The following SQOR variants were observed in gnomAD, a reference collection of about 807,000 sequenced individuals.
SQOR encodes sulfide:quinone oxidoreductase, mitochondrial.
A neutral mutation model predicts 48.6 loss-of-function variants in SQOR; 39 were observed. The ratio of observed to expected loss-of-function variants is 0.80; its 90% CI spans 0.62 to 1.05. The LOEUF (loss-of-function observed/expected upper bound fraction) is 1.05, where lower values mean the gene tolerates loss of function less well. Ranked by LOEUF, SQOR falls within the 50% of genes least tolerant of loss-of-function variation. The pLI is 0.00. For missense variants in SQOR, 561 were observed against 559.9 expected, an observed-to-expected ratio of 1.00 and a Z score of -0.02; for synonymous variants, 220 against 206.2, an observed-to-expected ratio of 1.07 and a Z score of -0.57.
Position 45,676,112 on chromosome 15 carries a change from A to G in SQOR, c.666A>G (p.Arg222=). 3 of 1,613,780 alleles carry G rather than the reference A, an allele frequency of 1.9e-6. No homozygotes were observed. Among genetic ancestry groups the G allele is most frequent in the Non-Finnish European group, 2.5e-6 (3 of 1,179,970 alleles). Residue 222 remains arginine (R), a synonymous_variant, in exon 6 of 10, where the codon CGA becomes CGG. Transcript: ENST00000260324. ...CTTATTTTTCTCAGACAGGGAAGCG[A>G]TCCAAGGCCAATATCATTTTCAACA... The part of the protein sequence containing the change: ...SEAYFRKTGK[R]SKANIIFNTS...
At chr15:45,649,123 G>A (rs1357837764) in intron 1 of SQOR, among the ~76,000 whole-genome samples, 1 of 152,242 alleles carries the variant, frequency 6.6e-6, no homozygotes, top group East Asian at 1.9e-4. Flanking sequence ...TGTGACATAA[G>A]ATTAGGAAGC....
intron 3 of SQOR, among the ~76,000 whole-genome samples, chr15:45,662,781 C>T (rs1203457309): frequency 2.6e-5 from 4 of 152,226 alleles, no homozygotes; most frequent in Admixed American, 1.3e-4. Context: ...CTGCAGCTTT[C>T]TTTTCCCCCA....
At chr15:45,662,879 G>A (rs1218937848) in intron 3 of SQOR, among the ~76,000 whole-genome samples, 1 of 152,188 alleles carries the variant, frequency 6.6e-6, no homozygotes, top group Admixed American at 6.5e-5. Context: ...GACTCACAAG[G>A]TGTTATTGGT....
At chr15:45,645,914 A>T (rs745534215) in intron 1 of SQOR, 21 of 152,230 alleles carry the variant, frequency 1.4e-4, no homozygotes, top group African/African-American at 2.2e-4. Context: ...GGAGGCAGCC[A>T]GCTTGTAACT....
At chr15:45,640,981 G>A (rs625466) in intron 1 of SQOR, among the ~76,000 whole-genome samples, 15,050 of 152,154 alleles carry the variant, frequency 0.099, 991 homozygotes, top group Admixed American at 0.2. Context: ...GTACTAGAAT[G>A]TGAGAAGTCA....
At chr15:45,640,443 AG>A (rs1204237112) in intron 1 of SQOR, among the ~76,000 whole-genome samples, 3 of 152,148 alleles carry the variant, frequency 2.0e-5, no homozygotes, top group Non-Finnish European at 4.4e-5. Flanking sequence ...ATATGCCCTC[AG>A]ACAAAGCTTC....
At chr15:45,662,423 A>G (rs879668707) in intron 3 of SQOR, among the ~76,000 whole-genome samples, 3 of 152,224 alleles carry the variant, frequency 2.0e-5, no homozygotes, top group African/African-American at 7.2e-5. Context: ...CCATTTGTTT[A>G]TACGTTGCTA....
chr15:45,644,776 A>G (rs978139282), intron 1 of SQOR, among the ~76,000 whole-genome samples: 1 of 152,206 alleles, frequency 6.6e-6, no homozygotes, highest in Non-Finnish European at 1.5e-5. Context: ...AGAGTGCTCC[A>G]GGATTCATGA....
chr15:45,653,565 T>A (rs1889537365), intron 1 of SQOR, among the ~76,000 whole-genome samples: 1 of 152,098 alleles, frequency 6.6e-6, no homozygotes, highest in Admixed American at 6.5e-5. Flanking sequence ...GTTATAGAGC[T>A]CAATTTCCAG....
chr15:45,682,799 A>C, intron 7 of SQOR, 138 bp downstream of exon 7: 1 of 997,992 alleles, frequency 1.0e-6, no homozygotes, highest in Non-Finnish European at 1.4e-6. Context: ...AGACTCAGGC[A>C]GGCAGGTCAT....
intron 1 of SQOR, among the ~76,000 whole-genome samples, chr15:45,637,477 A>G (rs567773926): frequency 7.2e-5 from 11 of 152,338 alleles, no homozygotes; most frequent in Admixed American, 7.2e-4. Flanking sequence ...TATTGAATGA[A>G]TAAGTGGGTC....
At chr15:45,679,782 T>C (rs1595508521) in intron 6 of SQOR, among the ~76,000 whole-genome samples, 2 of 152,312 alleles carry the variant, frequency 1.3e-5, no homozygotes, top group Admixed American at 6.5e-5. Flanking sequence ...AGCCAGAGAT[T>C]GTAAGCATGT....
chr15:45,646,119 T>G (rs989412285), intron 1 of SQOR: 1 of 152,234 alleles, frequency 6.6e-6, no homozygotes, highest in Admixed American at 6.5e-5. Context: ...CCAAATTGTA[T>G]AGGGTTCAAT....
chr15:45,671,197 G>A (rs1308411982), intron 4 of SQOR, among the ~76,000 whole-genome samples: 2 of 152,220 alleles, frequency 1.3e-5, no homozygotes, highest in East Asian at 1.9e-4. Context: ...TCTTGTCACC[G>A]AGGCTGGAGT....
chr15:45,632,389 T>A (rs1894913589), upstream of SQOR, among the ~76,000 whole-genome samples: 3 of 151,734 alleles, frequency 2.0e-5, no homozygotes, highest in South Asian at 6.2e-4. Flanking sequence ...CCGGCTAATT[T>A]TTTTGTATTT....
upstream of SQOR, among the ~76,000 whole-genome samples, chr15:45,633,609 A>C (rs1240110770): frequency 6.7e-6 from 1 of 150,102 alleles, no homozygotes; most frequent in Non-Finnish European, 1.5e-5. Context: ...CAGGAGAATC[A>C]CTTGAATCCG....
intron 2 of SQOR, 39 bp downstream of exon 2, chr15:45,659,196 G>T (rs774436391): frequency 1.8e-5 from 22 of 1,195,550 alleles, no homozygotes; most frequent in Non-Finnish European, 2.5e-5. Context: ...GTGTGTGTAC[G>T]TGTGTGTGTG....
Position 45,682,505 on chromosome 15 carries a change from A to T in SQOR, c.892A>T (p.Met298Leu). 6.2e-7 allele frequency: 1 copy of T among 1,614,216 alleles called. No homozygotes were observed. ...SYEMLHVTPP[M>L]SPPDVLKTSP... ...TGAAATGCTTCATGTCACACCTCCA[A>T]TGAGCCCACCAGATGTCCTCAAGAC... Residue 298 changes from methionine to leucine, a missense_variant, in exon 7 of 10, where the codon ATG (methionine) becomes TTG (leucine). Transcript: ENST00000260324.
chr15:45,689,180 G>T lies in SQOR; in HGVS notation c.1258G>T (p.Asp420Tyr), dbSNP rs375113678. The T allele has an allele frequency of 1.9e-6, 3 of 1,614,088 alleles. No homozygotes were observed. The highest frequency in any genetic ancestry group is 2.5e-6 in the Non-Finnish European group (3 of 1,180,002). ...CCTTTCCATGTATCTCATGAAAGCT[G>T]ACCTGATGCCTTTCCTGTATTGGAA... ...ERLSMYLMKA[D>Y]LMPFLYWNMM... The change falls in exon 9 of 10, where the codon GAC (aspartate) becomes TAC (tyrosine). Residue 420 changes from aspartate (D) to tyrosine (Y), a missense_variant. Asp to Tyr is a radical substitution (Grantham distance 160). Transcript: ENST00000260324.
Sources: gnomAD v4.1 joint callset for allele counts (sites outside exome capture counted in the v4.1 genomes callset) on GRCh38, gnomAD v4.1.1 for gene constraint, MANE v1.5 for transcripts, NCBI Gene and HGNC (gene_info 2026-07-23, HGNC 2026-07-21) for gene names.